The following UGT1A8 variants were observed in gnomAD, a reference collection of about 807,000 sequenced individuals.
UGT1A8 encodes the protein UDP glucuronosyltransferase family 1 member A8, also known as UDP-glucuronosyltransferase 1A8.
Under a neutral mutation model 45.3 loss-of-function variants are expected in UGT1A8, and 39 were observed. The observed-to-expected ratio is 0.86, with a 90% CI of 0.67 to 1.12. The LOEUF (loss-of-function observed/expected upper bound fraction) is 1.12. Ranked by LOEUF, UGT1A8 falls within the 50% of genes most tolerant of loss-of-function variation. The pLI is 0.00. For synonymous variants in UGT1A8, 275 were observed against 249.2 expected (o/e 1.10, Z -0.97); for missense variants, 719 against 664.9 (o/e 1.08, Z -0.90).
At chr2:233,740,156 C>A (rs578012287) in intron 1 of UGT1A8, among the ~76,000 whole-genome samples, 33 of 151,986 alleles carry the variant, frequency 2.2e-4, no homozygotes, top group Non-Finnish European at 3.7e-4. Flanking sequence ...GAGGCCTCCC[C>A]AGTCATGTGG....
rs1372667993 is a variant in UGT1A8 at position 233,718,421 on chromosome 2, A to G, written c.856-48613A>G. On this transcript the variant is annotated intron_variant, in intron 1 of 4. Coordinates refer to ENST00000373450, the MANE Select transcript of UGT1A8 (RefSeq NM_019076.5). Reference sequence around the variant, plus strand: ...AATAGCGTCACATTCAGCAGAGAACATGTGGTTGGGGACTAGGGCAATGGT... The same window carrying G: ...AATAGCGTCACATTCAGCAGAGAACGTGTGGTTGGGGACTAGGGCAATGGT... Among the ~76,000 whole-genome samples, 6 of 152,220 alleles carry G rather than the reference A, an allele frequency of 3.9e-5. No homozygotes were observed. The South Asian group carries it at 1.0e-3, about 26-fold the overall frequency.
intron 1 of UGT1A8, chr2:233,719,135 T>A (rs1671719594): frequency 2.5e-6 from 4 of 1,614,272 alleles, no homozygotes; most frequent in Non-Finnish European, 3.4e-6. Context: ...AAACAGAACA[T>A]CTTCTGAAGA....
chr2:233,682,284 T>C, intron 1 of UGT1A8: 3 of 1,614,166 alleles, frequency 1.9e-6, no homozygotes, highest in Non-Finnish European at 2.5e-6. Flanking sequence ...TCCAATGGTA[T>C]TTTTGACTTA....
In UGT1A8 at chr2:233,743,685, T is replaced by C. The variant is rs192235508; in HGVS notation, c.856-23349T>C. The C allele has an allele frequency of 2.3e-3, 3,085 of 1,367,218 alleles. 13 individuals carry two copies. The highest frequency in any genetic ancestry group is 0.017 in the Middle Eastern group (80 of 4,768). The allele number at this position is 1,367,218 out of a possible 1,614,324, so 84.7% of individuals were successfully genotyped here. A position where few individuals can be genotyped will look rare whatever the true frequency, so the allele number is the denominator to read the frequency against. On this transcript the variant is annotated intron_variant, in intron 1 of 4. Coordinates refer to ENST00000373450, the MANE Select transcript of UGT1A8 (RefSeq NM_019076.5). ...GGGTCCTCGAAGGGCCTGCCGCCTG[T>C]GCAGCCGCCCTCCGCCCCCGCCTCG...
At chr2:233,725,145 C>G (rs1322618816) in intron 1 of UGT1A8, among the ~76,000 whole-genome samples, 10 of 128,172 alleles carry the variant, frequency 7.8e-5, no homozygotes, top group African/African-American at 3.4e-4. Context: ...CAGTACAGTC[C>G]AGCTTCGGCT....
chr2:233,715,458 T>C (rs1405071457), intron 1 of UGT1A8, among the ~76,000 whole-genome samples: 3 of 152,180 alleles, frequency 2.0e-5, no homozygotes, highest in Admixed American at 6.5e-5. Context: ...ATTTTTTGAA[T>C]TCCCCATCTC....
At chr2:233,676,030 T>C (rs905060777) in intron 1 of UGT1A8, among the ~76,000 whole-genome samples, 3 of 152,178 alleles carry the variant, frequency 2.0e-5, no homozygotes, top group South Asian at 4.1e-4. Context: ...CCCATACATA[T>C]ACATCCTTGG....
chr2:233,689,749 A>G (rs891969745), intron 1 of UGT1A8: 5 of 278,212 alleles, frequency 1.8e-5, no homozygotes, highest in Non-Finnish European at 3.6e-5. Flanking sequence ...GTGGGAGTCC[A>G]GGTTTCTGAA....
At position 233,768,425 on chromosome 2, in the gene UGT1A8, C is replaced by A. The variant is rs1021872145; in HGVS notation, c.1281C>A (p.Val427=). 5.0e-6 allele frequency: 8 copies of A among 1,613,756 alleles called. No individual in the cohort carries two copies. Among genetic ancestry groups the A allele is most frequent in the Non-Finnish European group, 5.9e-6 (7 of 1,179,962 alleles). Residue 427 remains valine, a synonymous_variant, in exon 4 of 5, where the codon GTC becomes GTA. Transcript: ENST00000373450. ...ATTTAGAAAATGCTCTAAAAGCAGTCATCAATGACAAAAGGTAAGAAAGAA... is the reference window on the plus strand; with the variant it reads ...ATTTAGAAAATGCTCTAAAAGCAGTAATCAATGACAAAAGGTAAGAAAGAA... The part of the protein sequence containing the change: ...SEDLENALKA[V]INDKSYKENI...
chr2:233,760,333 C>T (rs1559406714), intron 1 of UGT1A8: 2 of 1,614,052 alleles, frequency 1.2e-6, no homozygotes, highest in East Asian at 4.5e-5. Flanking sequence ...CCTGGGCCTG[C>T]TGCTGTGTGT....
intron 1 of UGT1A8, chr2:233,747,579 G>A (rs1304501240): frequency 1.5e-5 from 24 of 1,582,358 alleles, no homozygotes; most frequent in Non-Finnish European, 2.0e-5. Context: ...TTCATCTTTG[G>A]TCTTTCATAG....
Position 233,760,454 on chromosome 2 carries a change from A to C in UGT1A8, c.856-6580A>C, listed in dbSNP as rs140365717. 64 of 1,614,102 alleles carry C rather than the reference A, an allele frequency of 4.0e-5. No homozygotes were observed. The highest frequency in any genetic ancestry group is 5.0e-5 in the Non-Finnish European group (59 of 1,180,050). On this transcript the variant is annotated intron_variant, in intron 1 of 4. Coordinates refer to ENST00000373450, the MANE Select transcript of UGT1A8 (RefSeq NM_019076.5). Reference sequence around the variant, plus strand: ...CAGCAGCTGCAGCAGAGGGGACATGAAATAGTTGTCCTAGCACCTGACGCC... The same window carrying C: ...CAGCAGCTGCAGCAGAGGGGACATGCAATAGTTGTCCTAGCACCTGACGCC...
chr2:233,625,979 T>C (rs17862846), intron 1 of UGT1A8, among the ~76,000 whole-genome samples: 6,180 of 152,104 alleles, frequency 0.041, 152 homozygotes, highest in Non-Finnish European at 0.061. Context: ...AAGGTCTCCA[T>C]CCTCATCATC....
intron 1 of UGT1A8, among the ~76,000 whole-genome samples, chr2:233,733,966 G>A (rs1285977671): frequency 6.6e-6 from 1 of 152,042 alleles, no homozygotes; most frequent in Non-Finnish European, 1.5e-5. Context: ...TGGGGTAGGG[G>A]GAGCGGGGAG....
intron 1 of UGT1A8, chr2:233,729,371 T>A (rs1158869339): frequency 1.2e-6 from 2 of 1,613,978 alleles, no homozygotes; most frequent in Non-Finnish European, 1.7e-6. Flanking sequence ...ACCTATGCCA[T>A]TTCGTGGACC....
intron 1 of UGT1A8, among the ~76,000 whole-genome samples, chr2:233,737,149 C>G (rs2125805846): frequency 6.6e-6 from 1 of 152,368 alleles, no homozygotes; most frequent in South Asian, 2.1e-4. Flanking sequence ...TTCAGATATG[C>G]CCTGCCCACA....
chr2:233,743,976 C>T (rs2125858385), intron 1 of UGT1A8: 2 of 1,312,500 alleles, frequency 1.5e-6, no homozygotes, highest in African/African-American at 1.5e-5. Context: ...GCTGCCAGCA[C>T]CCAGGCGCAG....
intron 1 of UGT1A8, chr2:233,717,940 C>A (rs186673267): frequency 2.2e-6 from 1 of 453,716 alleles, no homozygotes; most frequent in East Asian, 7.0e-5. Flanking sequence ...AGTCTCTATG[C>A]AGACTTGCAG....
intron 1 of UGT1A8, among the ~76,000 whole-genome samples, chr2:233,659,858 A>C (rs80036991): frequency 1.0e-3 from 155 of 152,266 alleles, no homozygotes; most frequent in Non-Finnish European, 1.6e-3. Context: ...AGATTGTCTA[A>C]TGTCAATTTA....
Sources: allele counts gnomAD v4.1 joint callset (sites outside exome capture counted in the v4.1 genomes callset), GRCh38; gene constraint gnomAD v4.1.1; transcripts MANE v1.5; gene names NCBI Gene and HGNC (gene_info 2026-07-23, HGNC 2026-07-21).